RBM47: variants seen among roughly 807,000 people sequenced by gnomAD.
The protein encoded by RBM47 is RNA-binding protein 47.
RBM47 carries 21 observed loss-of-function variants against 47.1 expected under a neutral mutation model. The ratio of observed to expected loss-of-function variants is 0.45; its 90% CI spans 0.32 to 0.64. The LOEUF is 0.64. Ranked by LOEUF, RBM47 falls within the 30% of genes least tolerant of loss-of-function variation. The pLI, the probability that RBM47 is intolerant of heterozygous loss-of-function variation, is 0.05. For synonymous variants in RBM47, 375 were observed against 361.7 expected (o/e 1.04, Z -0.42); for missense variants, 708 against 870.9 (o/e 0.81, Z 2.35).
At chr4:40,561,227 C>CTTTTTTTTTT (rs1176318537) in intron 1 of RBM47, among the ~76,000 whole-genome samples, 1 of 113,646 alleles carries the variant, frequency 8.8e-6, no homozygotes, top group African/African-American at 3.4e-5. Flanking sequence ...TTTCCATTGT[C>CTTTTTTTTTT]TTTTTTTTTT....
At chr4:40,529,715 G>T (rs1010181546) in intron 2 of RBM47, among the ~76,000 whole-genome samples, 5 of 149,400 alleles carry the variant, frequency 3.3e-5, no homozygotes, top group Non-Finnish European at 7.4e-5. Flanking sequence ...TGTAATCCCA[G>T]CTACTTGGGA....
rs1722538433 is a variant in RBM47, at chr4:40,496,199, A to G, written c.-154-29500T>C. On this transcript the variant is annotated intron_variant, in intron 2 of 6. Coordinates refer to ENST00000295971, the MANE Select transcript of RBM47 (RefSeq NM_001098634.2). ...AAGACTTTTTGACTAGGGTTGAATCAGATCAGCACCTGTGTTGTGTGGGTT... is the reference window on the plus strand; with the variant it reads ...AAGACTTTTTGACTAGGGTTGAATCGGATCAGCACCTGTGTTGTGTGGGTT... Among the ~76,000 whole-genome samples the G allele has an allele frequency of 2.6e-5, 4 of 152,234 alleles. No homozygotes were observed. The South Asian group carries it at 8.3e-4, about 32-fold the overall frequency.
At position 40,523,436 on chromosome 4, in the gene RBM47, A is replaced by T. The variant is rs114446597; in HGVS notation, c.-155+20986T>A. 9.1e-3 allele frequency among the ~76,000 whole-genome samples: 1,390 copies of T among 152,086 alleles called. 37 individuals are homozygous for T. The highest frequency in any genetic ancestry group is 0.032 in the African/African-American group (1,329 of 41,528). The stretch of plus-strand genomic sequence containing the variant: ...GAGGCCAAGACGGGCAGATAGCCTG[A>T]GGTTAGTAGTTGGAGACCAACCCGG... On this transcript the variant is annotated intron_variant, in intron 2 of 6. Transcript: ENST00000295971.
chr4:40,508,046 A>C (rs2154252359), intron 2 of RBM47, among the ~76,000 whole-genome samples: 1 of 152,344 alleles, frequency 6.6e-6, no homozygotes, highest in Middle Eastern at 3.4e-3. Flanking sequence ...AGCCTGGGCA[A>C]CAAGAGCGAA....
intron 1 of RBM47, among the ~76,000 whole-genome samples, chr4:40,567,751 A>G (rs1038708918): frequency 3.9e-5 from 6 of 152,048 alleles, no homozygotes; most frequent in Non-Finnish European, 7.4e-5. Context: ...TGTTCCCAAC[A>G]TGATTCAGGA....
intron 2 of RBM47, among the ~76,000 whole-genome samples, chr4:40,467,658 A>G (rs150547228): frequency 0.014 from 2,129 of 152,310 alleles, 23 homozygotes; most frequent in Middle Eastern, 0.031. Flanking sequence ...TTGGGGGTTT[A>G]GAATAATCTT....
chr4:40,525,851 T>C (rs945202139), intron 2 of RBM47, among the ~76,000 whole-genome samples: 1 of 111,846 alleles, frequency 8.9e-6, no homozygotes, highest in Non-Finnish European at 1.7e-5. Context: ...CCAATCAACT[T>C]TGCATTTGCC....
At position 40,485,776 on chromosome 4, in the gene RBM47, T is replaced by C. The variant is rs138218021; in HGVS notation, c.-154-19077A>G. On this transcript the variant is annotated intron_variant, in intron 2 of 6. Coordinates refer to ENST00000295971, the MANE Select transcript of RBM47 (RefSeq NM_001098634.2). The stretch of plus-strand genomic sequence containing the variant: ...AGAATATACTGTTATAAAGAGAAAA[T>C]AGGCCGGGTAGGGTGGCTCACTCAT... Among the ~76,000 whole-genome samples, 1,121 of 151,530 alleles carry C rather than the reference T, an allele frequency of 7.4e-3. 15 individuals carry two copies. Among genetic ancestry groups the C allele is most frequent in the African/African-American group, 0.026 (1,086 of 41,282 alleles).
chr4:40,523,730 T>A (rs1170496247), intron 2 of RBM47, among the ~76,000 whole-genome samples: 1 of 151,502 alleles, frequency 6.6e-6, no homozygotes, highest in Non-Finnish European at 1.5e-5. Flanking sequence ...TCAGGCATAG[T>A]GGCATGCACC....
chr4:40,459,054 A>G (rs1443779357), intron 3 of RBM47, among the ~76,000 whole-genome samples: 1 of 152,216 alleles, frequency 6.6e-6, no homozygotes, highest in African/African-American at 2.4e-5. Context: ...AGGTCCTTTA[A>G]CACAGAAAAA....
rs1553890650 is a variant in RBM47, at chr4:40,498,054, T to TA, written c.-154-31356_-154-31355insT. Among the ~76,000 whole-genome samples the TA allele has an allele frequency of 4.3e-3, 467 of 109,876 alleles. 14 individuals carry two copies. The highest frequency in any genetic ancestry group is 0.014 in the African/African-American group (439 of 31,678). The allele number at this position is 109,876 out of a possible 152,430, so 72.1% of individuals were successfully genotyped here. ...TGCAAATAAAATGTAAGTGCTTGTT[T>TA]TATATATATATATATATATATATAT... On this transcript the variant is annotated intron_variant, in intron 2 of 6. Transcript: ENST00000295971.
At chr4:40,630,274 G>T (rs2154283165), upstream of RBM47, 1 of 152,458 alleles carries the variant, frequency 6.6e-6, no homozygotes, top group Admixed American at 6.5e-5. Context: ...GCCCCCTTCG[G>T]GCTGCTCCGA....
intron 5 of RBM47, among the ~76,000 whole-genome samples, chr4:40,434,466 T>C (rs1478465971): frequency 1.3e-5 from 2 of 151,924 alleles, no homozygotes; most frequent in African/African-American, 4.8e-5. Context: ...CAACTTTACA[T>C]AGTTAAAGAT....
rs1249447975 is a variant in RBM47 at position 40,425,214 on chromosome 4, C to G, written c.*690G>C. The G allele has an allele frequency of 6.5e-6, 1 of 152,768 alleles. No individual in the cohort carries two copies. Among genetic ancestry groups the G allele is most frequent in the Non-Finnish European group, 1.5e-5 (1 of 68,062 alleles). The allele number at this position is 152,768 out of a possible 1,614,324, so 9.5% of individuals were successfully genotyped here. Reference sequence around the variant, plus strand: ...CCCGGCTAACGGTGGCAAAGGAGAGCTTTCCAGTGTTTGGACTCAGAAGTG... The same window carrying G: ...CCCGGCTAACGGTGGCAAAGGAGAGGTTTCCAGTGTTTGGACTCAGAAGTG... On this transcript the variant is annotated 3_prime_UTR_variant, in exon 7 of 7. Coordinates refer to ENST00000295971, the MANE Select transcript of RBM47 (RefSeq NM_001098634.2).
chr4:40,518,428 G>A (rs943582278), intron 2 of RBM47, among the ~76,000 whole-genome samples: 10 of 151,778 alleles, frequency 6.6e-5, no homozygotes, highest in African/African-American at 1.5e-4. Context: ...CACCTGCCTC[G>A]GCCTCCCAAA....
At position 40,498,052 on chromosome 4, in the gene RBM47, TTTTATATA is replaced by T. The variant is rs1420121450; in HGVS notation, c.-154-31361_-154-31354del. On this transcript the variant is annotated intron_variant, in intron 2 of 6. Transcript: ENST00000295971. ...TTTGCAAATAAAATGTAAGTGCTTGTTTTATATATATATATATATATATATATGTTTAT... is the reference window on the plus strand; with the variant it reads ...TTTGCAAATAAAATGTAAGTGCTTGTTATATATATATATATATATGTTTAT... Among the ~76,000 whole-genome samples the T allele has an allele frequency of 7.7e-4, 58 of 75,210 alleles. 2 individuals are homozygous for T. The South Asian group carries it at 0.017, about 22-fold the overall frequency. The allele number at this position is 75,210 out of a possible 152,430, so 49.3% of individuals were successfully genotyped here. A position where few individuals can be genotyped will look rare whatever the true frequency, so the allele number is the denominator to read the frequency against.
At chr4:40,616,356 A>G (rs868594260) in intron 1 of RBM47, among the ~76,000 whole-genome samples, 1 of 127,374 alleles carries the variant, frequency 7.9e-6, no homozygotes, top group Non-Finnish European at 1.7e-5. Context: ...TCTGTCTCAA[A>G]AAAAAAAAAA....
At chr4:40,580,021 G>A (rs537613699) in intron 1 of RBM47, among the ~76,000 whole-genome samples, 201 of 152,174 alleles carry the variant, frequency 1.3e-3, no homozygotes, top group African/African-American at 4.5e-3. Context: ...ACCTCCCAAA[G>A]TGCTGGGATT....
chr4:40,536,541 A>G (rs981010499), intron 2 of RBM47, among the ~76,000 whole-genome samples: 1 of 152,066 alleles, frequency 6.6e-6, no homozygotes, highest in African/African-American at 2.4e-5. Flanking sequence ...AGACACATAC[A>G]CTTTGTTGAT....
Sources: allele counts gnomAD v4.1 joint callset (sites outside exome capture counted in the v4.1 genomes callset), GRCh38; gene constraint gnomAD v4.1.1; transcripts MANE v1.5; gene names NCBI Gene and HGNC (gene_info 2026-07-23, HGNC 2026-07-21).